The following GPD2 variants were observed in gnomAD, a reference collection of about 807,000 sequenced individuals.
GPD2 encodes glycerol-3-phosphate dehydrogenase, mitochondrial.
In GPD2, 54 loss-of-function variants were observed where a neutral mutation model predicts 82.4. The ratio of observed to expected loss-of-function variants is 0.66; its 90% CI spans 0.53 to 0.82. The LOEUF is 0.82. Ranked by LOEUF, GPD2 falls within the 40% of genes least tolerant of loss-of-function variation. The probability of loss-of-function intolerance (pLI) is 0.00; values close to 1 mark genes in which losing one functional copy is unlikely to be tolerated. For missense variants in GPD2, 748 were observed against 896.2 expected (o/e 0.83, Z 2.11); for synonymous variants, 288 against 306.1 (o/e 0.94, Z 0.62).
chr2:156,542,568 G>A (rs1374858360), intron 6 of GPD2, among the ~76,000 whole-genome samples: 1 of 152,022 alleles, frequency 6.6e-6, no homozygotes, highest in African/African-American at 2.4e-5. Flanking sequence ...ATAAAACATA[G>A]GTGAATATTT....
At chr2:156,522,377 C>G (rs951193595) in intron 6 of GPD2, among the ~76,000 whole-genome samples, 8 of 152,168 alleles carry the variant, frequency 5.3e-5, no homozygotes, top group Non-Finnish European at 1.2e-4. Flanking sequence ...TAAAAATTCT[C>G]CAGTAGTAGG....
chr2:156,455,176 G>T (rs760373838), intron 1 of GPD2, among the ~76,000 whole-genome samples: 18 of 152,050 alleles, frequency 1.2e-4, no homozygotes, highest in African/African-American at 4.1e-4. Flanking sequence ...CAGGAGTTGC[G>T]TCCAGTCTCC....
At chr2:156,404,634 A>G in the GPD2 span, among the ~76,000 whole-genome samples, 14 of 148,684 alleles carry the variant, frequency 9.4e-5, no homozygotes, top group East Asian at 2.0e-3. Context: ...TGGGGTCAGA[A>G]GTTCAAGACC....
chr2:156,461,679 C>CT (rs1682994232), intron 1 of GPD2, among the ~76,000 whole-genome samples: 1 of 152,226 alleles, frequency 6.6e-6, no homozygotes, highest in South Asian at 2.1e-4. Context: ...CATGTCCAGC[C>CT]TACCCCAGTT....
chr2:156,523,683 TAG>T (rs780418925), intron 6 of GPD2, among the ~76,000 whole-genome samples: 178 of 145,438 alleles, frequency 1.2e-3, no homozygotes, highest in Middle Eastern at 3.5e-3. Context: ...GATAGATAGA[TAG>T]ATAGATAGAT....
At chr2:156,408,055 A>G in the GPD2 span, among the ~76,000 whole-genome samples, 181 of 147,906 alleles carry the variant, frequency 1.2e-3, 5 homozygotes, top group East Asian at 0.035. Context: ...CCCCAGGCTC[A>G]GATGATCCTC....
At chr2:156,554,784 G>T (rs1244199259) in intron 8 of GPD2, among the ~76,000 whole-genome samples, 1 of 152,100 alleles carries the variant, frequency 6.6e-6, no homozygotes. Flanking sequence ...CTGACAAGAG[G>T]TCAATTTTTT....
intron 8 of GPD2, among the ~76,000 whole-genome samples, chr2:156,555,815 G>T (rs1323735977): frequency 6.6e-6 from 1 of 152,114 alleles, no homozygotes; most frequent in Non-Finnish European, 1.5e-5. Flanking sequence ...GTGAAGGTGG[G>T]ACTCTGAGCT....
chr2:156,492,725 C>G (rs149116538), intron 2 of GPD2, among the ~76,000 whole-genome samples: 2 of 151,984 alleles, frequency 1.3e-5, no homozygotes, highest in African/African-American at 4.8e-5. Flanking sequence ...GATGAAGTGA[C>G]TAGATATGGA....
chr2:156,416,516 T>C, the GPD2 span, among the ~76,000 whole-genome samples: 1 of 2,008 alleles, frequency 5.0e-4, no homozygotes, highest in African/African-American at 5.6e-4. Flanking sequence ...CCCAGCTAGT[T>C]TTTTTTTTTT....
chr2:156,569,627 TTGAG>T, intron 11 of GPD2, 89 bp downstream of exon 11: 2 of 970,368 alleles, frequency 2.1e-6, no homozygotes, highest in Non-Finnish European at 3.4e-6. Flanking sequence ...GTCTCCCTGA[TTGAG>T]ATTTCCTTTT....
chr2:156,518,689 GT>G (rs1224436511), intron 6 of GPD2, among the ~76,000 whole-genome samples: 1 of 152,108 alleles, frequency 6.6e-6, no homozygotes, highest in Non-Finnish European at 1.5e-5. Flanking sequence ...TTTGTTGTTT[GT>G]TTTTTCATTG....
At position 156,438,565 on chromosome 2, in the gene GPD2, A is replaced by C. The variant is rs77811177; in HGVS notation, c.-9+2052A>C. On this transcript the variant is annotated intron_variant, in intron 1 of 16. Transcript: ENST00000438166. ...TTATTAGAGAAGGGAAGCAATTTTC[A>C]GATCAGTATCTAATTTCTCAGTTTT... is the stretch of plus-strand genomic sequence containing the variant. 6.6e-5 allele frequency among the ~76,000 whole-genome samples: 10 copies of C among 152,332 alleles called. No homozygotes were observed. The East Asian group carries it at 1.7e-3, about 26-fold the overall frequency.
At chr2:156,465,784 C>T (rs566148941) in intron 1 of GPD2, among the ~76,000 whole-genome samples, 4 of 152,078 alleles carry the variant, frequency 2.6e-5, no homozygotes, top group South Asian at 2.1e-4. Context: ...AGTAAAGGGG[C>T]GGAAAGACTG....
chr2:156,542,171 C>T lies in GPD2; in HGVS notation c.662-7437C>T, dbSNP rs373807367. 3.6e-4 allele frequency among the ~76,000 whole-genome samples: 55 copies of T among 152,162 alleles called. 3 individuals carry two copies. The East Asian group carries it at 7.9e-3, about 22-fold the overall frequency. ...TATGGGGCCAAAGACCACAGATCCA[C>T]CCCGATTGCTAATTATTGAGATTGC... On this transcript the variant is annotated intron_variant, in intron 6 of 16. Transcript: ENST00000438166.
rs1688093529 is a variant in GPD2, at chr2:156,583,247, C to T, written c.*329C>T. Reference sequence around the variant, plus strand: ...CCTTATTCTAAATGAGTTCTAAAAACATAATATTTTGGCAAAAATTGAAAA... The same window carrying T: ...CCTTATTCTAAATGAGTTCTAAAAATATAATATTTTGGCAAAAATTGAAAA... On this transcript the variant is annotated 3_prime_UTR_variant, in exon 17 of 17. Transcript: ENST00000438166. 1 of 318,872 alleles carries T rather than the reference C, an allele frequency of 3.1e-6. No homozygotes were observed. The highest frequency in any genetic ancestry group is 2.2e-5 in the African/African-American group (1 of 46,486). The allele number at this position is 318,872 out of a possible 1,614,324, so 19.8% of individuals were successfully genotyped here. A position where few individuals can be genotyped will look rare whatever the true frequency, so the allele number is the denominator to read the frequency against.
At chr2:156,469,314 C>G (rs1365542524) in intron 1 of GPD2, among the ~76,000 whole-genome samples, 1 of 152,186 alleles carries the variant, frequency 6.6e-6, no homozygotes, top group East Asian at 1.9e-4. Flanking sequence ...AGGCACCCAC[C>G]ACCACGCCTG....
At chr2:156,451,522 A>C (rs1250116665) in intron 1 of GPD2, among the ~76,000 whole-genome samples, 1 of 58,028 alleles carries the variant, frequency 1.7e-5, no homozygotes, top group South Asian at 9.5e-4. Flanking sequence ...GGGGGGGCTG[A>C]CCCCCCCACC....
chr2:156,565,874 T>C (rs924115997), intron 9 of GPD2, among the ~76,000 whole-genome samples: 1 of 152,134 alleles, frequency 6.6e-6, no homozygotes, highest in African/African-American at 2.4e-5. Context: ...ACTGTTCCAA[T>C]CATTTCAAGG....
Sources: gnomAD v4.1 joint callset for allele counts (sites outside exome capture counted in the v4.1 genomes callset) on GRCh38, gnomAD v4.1.1 for gene constraint, MANE v1.5 for transcripts, NCBI Gene and HGNC (gene_info 2026-07-23, HGNC 2026-07-21) for gene names.